The following NFIA variants were observed in gnomAD, a reference collection of about 807,000 sequenced individuals.
NFIA encodes the protein nuclear factor 1 A-type.
NFIA carries 8 observed loss-of-function variants against 62.8 expected under a neutral mutation model. The ratio of observed to expected loss-of-function variants is 0.13; its 90% CI spans 0.07 to 0.23. The LOEUF is 0.23. Among genes scored for constraint, NFIA ranks in the 10% least tolerant of loss-of-function variants. The pLI is 1.00. For missense variants in NFIA, 410 were observed against 642.1 expected, an observed-to-expected ratio of 0.64 and a Z score of 3.91; for synonymous variants, 235 against 238.1, an observed-to-expected ratio of 0.99 and a Z score of 0.12.
chr1:61,416,609 A>T (rs979242250), intron 9 of NFIA, among the ~76,000 whole-genome samples: 2 of 152,184 alleles, frequency 1.3e-5, no homozygotes, highest in Admixed American at 6.6e-5. Context: ...TACTTTTTAG[A>T]GTATTTTAAT....
At chr1:61,099,194 A>G (rs1289698845) in intron 2 of NFIA, among the ~76,000 whole-genome samples, 1 of 152,250 alleles carries the variant, frequency 6.6e-6, no homozygotes. Context: ...GTTTGGCTGT[A>G]TAAAGACTGA....
In NFIA at chr1:61,461,962, GTGT is replaced by G. The variant is rs1668547604; in HGVS notation, c.*6647_*6649del. The stretch of plus-strand genomic sequence containing the variant: ...CTTTTATTTTTCCTTTGACTTATTT[GTGT>G]TGTTCTTATTTTTTAAATTTTTATT... On this transcript the variant is annotated 3_prime_UTR_variant, in exon 11 of 11. Transcript: ENST00000403491. 7.7e-6 allele frequency: 1 copy of G among 129,936 alleles called. No homozygotes were observed. The allele number at this position is 129,936 out of a possible 1,614,324, so 8.0% of individuals were successfully genotyped here.
At chr1:61,324,661 G>A (rs766299205) in intron 3 of NFIA, among the ~76,000 whole-genome samples, 1 of 152,120 alleles carries the variant, frequency 6.6e-6, no homozygotes, top group Non-Finnish European at 1.5e-5. Flanking sequence ...GCTCTTCAAG[G>A]TTACCTGTCT....
At chr1:61,230,872 A>T (rs1273164464) in intron 2 of NFIA, among the ~76,000 whole-genome samples, 1 of 151,856 alleles carries the variant, frequency 6.6e-6, no homozygotes, top group Non-Finnish European at 1.5e-5. Context: ...TCTACAGGAC[A>T]CTCTCCATCT....
intron 6 of NFIA, among the ~76,000 whole-genome samples, chr1:61,370,162 A>G (rs979469468): frequency 1.3e-5 from 2 of 152,214 alleles, no homozygotes; most frequent in African/African-American, 4.8e-5. Flanking sequence ...TGCACATCCC[A>G]ATTGCTTTCT....
At position 61,177,710 on chromosome 1, in the gene NFIA, GTC is replaced by G. The variant is rs148015615; in HGVS notation, c.559+89036_559+89037del. 0.013 allele frequency among the ~76,000 whole-genome samples: 1,906 copies of G among 149,728 alleles called. 130 individuals are homozygous for G. In the East Asian group the frequency reaches 0.19, roughly 15 times the overall value. ...GTTGGAATACCATTATAATCTATAAGTCTCTCTTGATTTTCAGCTAGTGTGAC... is the reference window on the plus strand; with the variant it reads ...GTTGGAATACCATTATAATCTATAAGTCTCTTGATTTTCAGCTAGTGTGAC... On this transcript the variant is annotated intron_variant, in intron 2 of 10. Coordinates refer to ENST00000403491, the MANE Select transcript of NFIA (RefSeq NM_001134673.4).
intron 2 of NFIA, among the ~76,000 whole-genome samples, chr1:61,207,059 A>G (rs1348177221): frequency 6.6e-6 from 1 of 152,202 alleles, no homozygotes; most frequent in Non-Finnish European, 1.5e-5. Flanking sequence ...AAGAAGGCCA[A>G]CAGTGGACTT....
chr1:61,286,982 A>T (rs1007545173), intron 3 of NFIA, among the ~76,000 whole-genome samples: 10 of 152,206 alleles, frequency 6.6e-5, no homozygotes, highest in Non-Finnish European at 1.5e-4. Context: ...GAAGGGTACA[A>T]ACAAGGGAGA....
chr1:61,130,597 G>A (rs1264360659), intron 2 of NFIA, among the ~76,000 whole-genome samples: 1 of 152,112 alleles, frequency 6.6e-6, no homozygotes, highest in Non-Finnish European at 1.5e-5. Flanking sequence ...TGTAGAAGTG[G>A]GTCTTACTAG....
At chr1:61,359,365 A>C in intron 6 of NFIA, 91 bp downstream of exon 6, 1 of 1,576,818 alleles carries the variant, frequency 6.3e-7, no homozygotes, top group Non-Finnish European at 8.6e-7. Context: ...GTGAAGAAAG[A>C]AAGCTCAAGG....
intron 10 of NFIA, among the ~76,000 whole-genome samples, chr1:61,448,560 T>TA (rs1355533617): frequency 1.3e-5 from 2 of 152,322 alleles, no homozygotes; most frequent in Non-Finnish European, 2.9e-5. Flanking sequence ...CAAAAACTGA[T>TA]ACAGTTGTTA....
chr1:61,235,503 T>A lies in NFIA; in HGVS notation c.560-42017T>A, dbSNP rs866576104. Among the ~76,000 whole-genome samples, 106 of 136,722 alleles carry A rather than the reference T, an allele frequency of 7.8e-4. 2 individuals are homozygous for A. The South Asian group carries it at 0.016, about 20-fold the overall frequency. 89.7% of individuals were successfully genotyped at this position (136,722 alleles called of 152,430 possible). ...ATAAATAAATAAATAAATAAATAAA[T>A]AAAAATAAAAAATAAAAAAAAATGA... On this transcript the variant is annotated intron_variant, in intron 2 of 10. Transcript: ENST00000403491.
At chr1:61,229,658 C>T (rs901046229) in intron 2 of NFIA, among the ~76,000 whole-genome samples, 3 of 152,164 alleles carry the variant, frequency 2.0e-5, no homozygotes, top group Admixed American at 2.0e-4. Context: ...AGCTGTGTGT[C>T]TTTCCTTCCT....
At chr1:61,214,741 CCT>C (rs1368602752) in intron 2 of NFIA, among the ~76,000 whole-genome samples, 1 of 152,110 alleles carries the variant, frequency 6.6e-6, no homozygotes, top group African/African-American at 2.4e-5. Context: ...TGAGAACTTC[CCT>C]GTCTTATGTC....
intron 2 of NFIA, among the ~76,000 whole-genome samples, chr1:61,220,222 C>A (rs1466898676): frequency 6.6e-6 from 1 of 152,022 alleles, no homozygotes; most frequent in Non-Finnish European, 1.5e-5. Context: ...TTTTCAAAAC[C>A]CATGAGATTT....
intron 7 of NFIA, among the ~76,000 whole-genome samples, chr1:61,401,171 G>A (rs991466615): frequency 6.6e-6 from 1 of 152,168 alleles, no homozygotes; most frequent in Admixed American, 6.5e-5. Flanking sequence ...AGTAAGGGTT[G>A]CAAAGGATGA....
In NFIA at chr1:61,459,578, A is replaced by C. The variant is rs970738256; in HGVS notation, c.*4258A>C. On this transcript the variant is annotated 3_prime_UTR_variant, in exon 11 of 11. Transcript: ENST00000403491. ...AGGTGTGGGCTCTAGGCAGGCCGAC[A>C]AGGTTACACCTCCCAGAGCTTGTGA... 1.3e-5 allele frequency: 2 copies of C among 152,238 alleles called. No individual in the cohort carries two copies. Among genetic ancestry groups the C allele is most frequent in the African/African-American group, 2.4e-5 (1 of 41,448 alleles). 9.4% of individuals were successfully genotyped at this position (152,238 alleles called of 1,614,324 possible). A position where few individuals can be genotyped will look rare whatever the true frequency, so the allele number is the denominator to read the frequency against.
intron 2 of NFIA, among the ~76,000 whole-genome samples, chr1:61,243,928 T>A (rs2100648510): frequency 6.6e-6 from 1 of 152,286 alleles, no homozygotes; most frequent in Admixed American, 6.5e-5. Context: ...CTTTAGGAAA[T>A]TTTTTCTATT....
chr1:61,401,847 G>A (rs1300648679), intron 7 of NFIA, among the ~76,000 whole-genome samples: 1 of 152,138 alleles, frequency 6.6e-6, no homozygotes, highest in East Asian at 1.9e-4. Flanking sequence ...TTTGCCACCA[G>A]CAAGGAGGAC....
Sources: gnomAD v4.1 joint callset for allele counts (sites outside exome capture counted in the v4.1 genomes callset) on GRCh38, gnomAD v4.1.1 for gene constraint, MANE v1.5 for transcripts, NCBI Gene and HGNC (gene_info 2026-07-23, HGNC 2026-07-21) for gene names.